Variants in PARVB observed in about 807,000 individuals in gnomAD.
PARVB encodes the protein beta-parvin.
Under a neutral mutation model 47.0 loss-of-function variants are expected in PARVB, and 46 were observed. The observed-to-expected ratio is 0.98, with a 90% CI of 0.77 to 1.25. PARVB has a LOEUF of 1.25. Ranked by LOEUF, PARVB falls within the 50% of genes most tolerant of loss-of-function variation. The pLI is 0.00. For synonymous variants in PARVB, 196 were observed against 196.3 expected, an observed-to-expected ratio of 1.00 and a Z score of 0.01; for missense variants, 473 against 471.6, an observed-to-expected ratio of 1.00 and a Z score of -0.03.
chr22:44,136,261 G>A (rs2147174199), intron 6 of PARVB, among the ~76,000 whole-genome samples, 199 bp from the exon 7 acceptor site: 1 of 152,084 alleles, frequency 6.6e-6, no homozygotes, highest in East Asian at 1.9e-4. Context: ...GACAGGTTGT[G>A]GTCGCTGAAA....
chr22:44,088,025 T>C (rs887829164), intron 1 of PARVB, among the ~76,000 whole-genome samples: 3 of 152,130 alleles, frequency 2.0e-5, no homozygotes, highest in African/African-American at 7.2e-5. Flanking sequence ...GTGATCTCTC[T>C]GAGGTGTGTT....
At chr22:44,094,905 G>A (rs926071396) in intron 2 of PARVB, among the ~76,000 whole-genome samples, 2 of 151,608 alleles carry the variant, frequency 1.3e-5, no homozygotes, top group African/African-American at 4.8e-5. Context: ...GCTGTCCTGA[G>A]TCTTCTCAGT....
intron 1 of PARVB, among the ~76,000 whole-genome samples, chr22:44,078,527 G>C (rs893743287): frequency 2.6e-5 from 4 of 152,116 alleles, no homozygotes; most frequent in Non-Finnish European, 5.9e-5. Flanking sequence ...CTCTTGTAAG[G>C]ACCCTGTCAA....
chr22:44,040,339 C>T (rs2050996105), intron 1 of PARVB, among the ~76,000 whole-genome samples: 2 of 152,130 alleles, frequency 1.3e-5, no homozygotes, highest in African/African-American at 2.4e-5. Flanking sequence ...AATAGTAGTA[C>T]CAAAAATGTC....
At chr22:44,028,705 A>C (rs1211011411) in intron 1 of PARVB, among the ~76,000 whole-genome samples, 1 of 152,180 alleles carries the variant, frequency 6.6e-6, no homozygotes, top group Non-Finnish European at 1.5e-5. Context: ...TTTTGGAAGA[A>C]ACTGCCAAAC....
Position 44,095,365 on chromosome 22 carries a change from C to T in PARVB, c.202+1348C>T, listed in dbSNP as rs377674784. Among the ~76,000 whole-genome samples, 284 of 152,104 alleles carry T rather than the reference C, an allele frequency of 1.9e-3. 5 individuals are homozygous for T. In the South Asian group the frequency reaches 0.026, roughly 14 times the overall value. ...CTCTCCTAAGAATACAAAAATTAGCCGAGTGTGGCTAGCCTGTAATTCCAG... is the reference window on the plus strand; with the variant it reads ...CTCTCCTAAGAATACAAAAATTAGCTGAGTGTGGCTAGCCTGTAATTCCAG... On this transcript the variant is annotated intron_variant, in intron 2 of 12. Transcript: ENST00000338758.
intron 1 of PARVB, among the ~76,000 whole-genome samples, chr22:44,040,310 AAG>A (rs1601514019): frequency 6.6e-6 from 1 of 152,220 alleles, no homozygotes; most frequent in East Asian, 1.9e-4. Flanking sequence ...GTGTTAAAAA[AAG>A]ATGATATGGT....
intron 2 of PARVB, among the ~76,000 whole-genome samples, chr22:44,004,922 A>G (rs911056041): frequency 1.3e-5 from 2 of 152,218 alleles, no homozygotes; most frequent in African/African-American, 2.4e-5. Flanking sequence ...CCATTGTTCC[A>G]AAAAGATTCT....
chr22:44,004,516 G>A (rs1429199174), intron 2 of PARVB, among the ~76,000 whole-genome samples: 5 of 152,008 alleles, frequency 3.3e-5, no homozygotes, highest in Non-Finnish European at 7.4e-5. Flanking sequence ...CAGGCCCAGC[G>A]AGTTCCTGCT....
chr22:44,064,750 AG>A (rs1371603958), intron 1 of PARVB, among the ~76,000 whole-genome samples: 11 of 152,210 alleles, frequency 7.2e-5, no homozygotes, highest in African/African-American at 2.4e-4. Flanking sequence ...GCTACTCAGG[AG>A]GCTGAGGTGG....
chr22:44,090,886 G>GA (rs2052151211), intron 1 of PARVB, among the ~76,000 whole-genome samples: 1 of 152,164 alleles, frequency 6.6e-6, no homozygotes, highest in African/African-American at 2.4e-5. Flanking sequence ...GGATTTCTGT[G>GA]AAAAATCACT....
intron 2 of PARVB, among the ~76,000 whole-genome samples, chr22:44,012,332 T>G (rs1202149825): frequency 6.6e-6 from 1 of 152,180 alleles, no homozygotes; most frequent in Admixed American, 6.5e-5. Context: ...CCAAAATCAT[T>G]TGAGTGAAAG....
At chr22:44,102,351 T>C (rs1280530125) in intron 3 of PARVB, among the ~76,000 whole-genome samples, 1 of 152,228 alleles carries the variant, frequency 6.6e-6, no homozygotes. Context: ...CAATGTTTCA[T>C]TGGCTATCTG....
rs114316389 is a variant in PARVB, at chr22:44,075,509, G to T, written c.113-18419G>T. Reference sequence around the variant, plus strand: ...CCCAGAGTCCACAGTTTCCATGAGGGGCCCCTCTTGGTGCTGGACATTGTG... The same window carrying T: ...CCCAGAGTCCACAGTTTCCATGAGGTGCCCCTCTTGGTGCTGGACATTGTG... On this transcript the variant is annotated intron_variant, in intron 1 of 12. Coordinates refer to ENST00000338758, the MANE Select transcript of PARVB (RefSeq NM_013327.5). 3.9e-3 allele frequency among the ~76,000 whole-genome samples: 587 copies of T among 152,240 alleles called. 4 individuals are homozygous for T. The highest frequency in any genetic ancestry group is 0.014 in the African/African-American group (572 of 41,554).
chr22:44,006,674 C>T (rs2050468746), intron 2 of PARVB, among the ~76,000 whole-genome samples: 1 of 152,168 alleles, frequency 6.6e-6, no homozygotes, highest in Non-Finnish European at 1.5e-5. Context: ...CTGCCCAGCC[C>T]ACCCTGTGGT....
At chr22:44,124,995 C>G (rs140292474) in intron 4 of PARVB, among the ~76,000 whole-genome samples, 20 of 151,652 alleles carry the variant, frequency 1.3e-4, no homozygotes, top group Non-Finnish European at 2.5e-4. Context: ...TTTGCACACT[C>G]TGCACAAATG....
chr22:44,027,983 A>G (rs187558830), intron 1 of PARVB, among the ~76,000 whole-genome samples: 19 of 150,740 alleles, frequency 1.3e-4, no homozygotes, highest in African/African-American at 4.6e-4. Flanking sequence ...ATTGACGTAT[A>G]TTTTTAAAGC....
upstream of PARVB, among the ~76,000 whole-genome samples, chr22:44,019,731 C>A (rs1293741248): frequency 6.6e-6 from 1 of 152,150 alleles, no homozygotes; most frequent in Non-Finnish European, 1.5e-5. Flanking sequence ...TAACAGAGTG[C>A]AAACTCACTC....
intron 3 of PARVB, chr22:44,104,105 G>A (rs2052514733): frequency 6.6e-6 from 1 of 152,246 alleles, no homozygotes; most frequent in African/African-American, 2.4e-5. Flanking sequence ...CAGGCAGGGT[G>A]GGTTTTGATA....
Sources: gnomAD v4.1 joint callset for allele counts (sites outside exome capture counted in the v4.1 genomes callset) on GRCh38, gnomAD v4.1.1 for gene constraint, MANE v1.5 for transcripts, NCBI Gene and HGNC (gene_info 2026-07-23, HGNC 2026-07-21) for gene names.